The following DCAF8L1 variants were observed in gnomAD, a reference collection of about 807,000 sequenced individuals.
DCAF8L1 encodes the protein DDB1- and CUL4-associated factor 8-like protein 1.
For synonymous variants in DCAF8L1, 217 were observed against 186.8 expected, an observed-to-expected ratio of 1.16 and a Z score of -1.32; for missense variants, 434 against 481.6, an observed-to-expected ratio of 0.90 and a Z score of 0.92.
rs752855706 is a variant in DCAF8L1, at chrX:27,980,775, C to T, written c.560G>A (p.Arg187His). The part of the protein sequence containing the change: ...CGARTFVQRF[R>H]LQYLLGSHAG... ...ATGGCTTCCAAGAAGATACTGCAGG[C>T]GGAAACGCTGCACAAAGGTTCTTGC... The change falls in exon 1 of 1, where the codon CGC (arginine) becomes CAC (histidine). Residue 187 changes from arginine to histidine, a missense_variant. Arg to His is a conservative substitution (Grantham distance 29). Coordinates refer to ENST00000441525, the MANE Select transcript of DCAF8L1 (RefSeq NM_001017930.2). The T allele has an allele frequency of 4.1e-6, 5 of 1,207,803 alleles. No homozygotes were observed. Among genetic ancestry groups the T allele is most frequent in the Non-Finnish European group, 5.6e-6 (5 of 893,895 alleles).
chrX:27,979,055 G>A lies in DCAF8L1; in HGVS notation c.*477C>T. Reference sequence around the variant, plus strand: ...TCTTGTTACTACAACTTTTGAAGCTGTGTGTGTGTGTGGCCAAGTGTTAGG... The same window carrying A: ...TCTTGTTACTACAACTTTTGAAGCTATGTGTGTGTGTGGCCAAGTGTTAGG... On this transcript the variant is annotated 3_prime_UTR_variant, in exon 1 of 1. Transcript: ENST00000441525. The A allele has an allele frequency of 3.5e-6, 1 of 285,863 alleles. No individual in the cohort carries two copies. The highest frequency in any genetic ancestry group is 6.4e-6 in the Non-Finnish European group (1 of 156,361). The allele number at this position is 285,863 out of a possible 1,213,427, so 23.6% of individuals were successfully genotyped here.
In DCAF8L1 at chrX:27,979,249, T is replaced by A; in HGVS notation, c.*283A>T. 1 of 294,071 alleles carries A rather than the reference T, an allele frequency of 3.4e-6. No homozygotes were observed. The highest frequency in any genetic ancestry group is 1.6e-4 in the South Asian group (1 of 6,172). The allele number at this position is 294,071 out of a possible 1,213,427, so 24.2% of individuals were successfully genotyped here. On this transcript the variant is annotated 3_prime_UTR_variant, in exon 1 of 1. Coordinates refer to ENST00000441525, the MANE Select transcript of DCAF8L1 (RefSeq NM_001017930.2). Reference sequence around the variant, plus strand: ...ATCTTCAAAATAAATTGGTAAAAAATGAAAAAACTAAAAAGTAATAGCTTT... The same window carrying A: ...ATCTTCAAAATAAATTGGTAAAAAAAGAAAAAACTAAAAAGTAATAGCTTT...
rs761919834 is a variant in DCAF8L1 at position 27,981,209 on chromosome X, T to C, written c.126A>G (p.Ala42=). 1 of 1,209,837 alleles carries C rather than the reference T, an allele frequency of 8.3e-7. No homozygotes were observed. The highest frequency in any genetic ancestry group is 1.8e-5 in the African/African-American group (1 of 57,124). ...VTAASSDIEM[A]ATEPSTGDGG... Reference sequence around the variant, plus strand: ...CATCTCCGGTCGATGGCTCTGTGGCTGCCATTTCAATGTCTGAGGAGGCCG... The same window carrying C: ...CATCTCCGGTCGATGGCTCTGTGGCCGCCATTTCAATGTCTGAGGAGGCCG... The change falls in exon 1 of 1, where the codon GCA becomes GCG. Residue 42 remains alanine, a synonymous_variant. Transcript: ENST00000441525.
At position 27,981,352 on chromosome X, in the gene DCAF8L1, G is replaced by C; in HGVS notation, c.-18C>G. On this transcript the variant is annotated 5_prime_UTR_variant, in exon 1 of 1. Coordinates refer to ENST00000441525, the MANE Select transcript of DCAF8L1 (RefSeq NM_001017930.2). ...TGGGACATCTCGAACGATGTTTGCT[G>C]TAGCTGATCTGGAACTGGAAAAGCC... The C allele has an allele frequency of 8.4e-7, 1 of 1,196,274 alleles. No homozygotes were observed. Among genetic ancestry groups the C allele is most frequent in the Non-Finnish European group, 1.1e-6 (1 of 887,056 alleles).
rs766304714 is a variant in DCAF8L1, at chrX:27,979,972, T to C, written c.1363A>G (p.Ser455Gly). Residue 455 changes from serine to glycine, a missense_variant, in exon 1 of 1, where the codon AGC becomes GGC. By Grantham distance (56) the Ser-to-Gly change is moderately conservative. Coordinates refer to ENST00000441525, the MANE Select transcript of DCAF8L1 (RefSeq NM_001017930.2). Reference protein sequence around the residue: ...FYGPRSEFVVSGSDCGHVFFW... With the variant: ...FYGPRSEFVVGGSDCGHVFFW... ...AAGACGTGCCCACAATCACTACCGC[T>C]CACGACAAACTCACTCCGGGGGCCA... 1 of 1,211,212 alleles carries C rather than the reference T, an allele frequency of 8.3e-7. No homozygotes were observed. Among genetic ancestry groups the C allele is most frequent in the East Asian group, 3.0e-5 (1 of 33,778 alleles).
At position 27,978,688 on chromosome X, in the gene DCAF8L1, C is replaced by T; in HGVS notation, c.*844G>A. On this transcript the variant is annotated 3_prime_UTR_variant, in exon 1 of 1. Transcript: ENST00000441525. ...ATTGATTCAGAAAATGTGGATAATCCCAAGTTATTTGCTCTGAGGAGATGA... is the reference window on the plus strand; with the variant it reads ...ATTGATTCAGAAAATGTGGATAATCTCAAGTTATTTGCTCTGAGGAGATGA... 2 of 285,570 alleles carry T rather than the reference C, an allele frequency of 7.0e-6. No homozygotes were observed. Among genetic ancestry groups the T allele is most frequent in the Non-Finnish European group, 1.3e-5 (2 of 157,651 alleles). The allele number at this position is 285,570 out of a possible 1,213,427, so 23.5% of individuals were successfully genotyped here.
chrX:27,979,699 G>A lies in DCAF8L1; in HGVS notation c.1636C>T (p.Arg546Cys), dbSNP rs199848612. 1.9e-5 allele frequency: 23 copies of A among 1,209,626 alleles called. No homozygotes were observed. In the Admixed American group the frequency reaches 2.2e-4, roughly 12 times the overall value. The change falls in exon 1 of 1, where the codon CGC becomes TGC. Residue 546 changes from arginine to cysteine, a missense_variant. Arg to Cys is a radical substitution (Grantham distance 180). Coordinates refer to ENST00000441525, the MANE Select transcript of DCAF8L1 (RefSeq NM_001017930.2). The stretch of plus-strand genomic sequence containing the variant: ...TGACGCACGAAGAACCGAAGCATGC[G>A]GTTGTCAAACGAGTCCGTATAGTTC... ...NLNYTDSFDNRMLRFFVRHLL... is the reference protein window; with the variant it reads ...NLNYTDSFDNCMLRFFVRHLL...
At position 27,979,690 on chromosome X, in the gene DCAF8L1, G is replaced by A. The variant is rs12388557; in HGVS notation, c.1645C>T (p.Arg549Trp). The change falls in exon 1 of 1, where the codon CGG becomes TGG. Residue 549 changes from arginine to tryptophan, a missense_variant. By Grantham distance (101) the Arg-to-Trp change is moderately radical. Coordinates refer to ENST00000441525, the MANE Select transcript of DCAF8L1 (RefSeq NM_001017930.2). ...TGTAACAGGTGACGCACGAAGAACC[G>A]AAGCATGCGGTTGTCAAACGAGTCC... ...YTDSFDNRML[R>W]FFVRHLLQRA... is the part of the protein sequence containing the mutation. 27 of 1,209,749 alleles carry A rather than the reference G, an allele frequency of 2.2e-5. No individual in the cohort carries two copies. Among genetic ancestry groups the A allele is most frequent in the East Asian group, 5.9e-5 (2 of 33,720 alleles).
Position 27,978,488 on chromosome X carries a change from T to A in DCAF8L1, c.*1044A>T, listed in dbSNP as rs774891637. On this transcript the variant is annotated 3_prime_UTR_variant, in exon 1 of 1. Transcript: ENST00000441525. ...GAGAGATTTTTATATTCCTATCTGG[T>A]ATCTTATAGGAGATGCTTGCGCCAG... The A allele has an allele frequency of 3.6e-4, 42 of 117,665 alleles. No individual in the cohort carries two copies. The highest frequency in any genetic ancestry group is 1.2e-3 in the African/African-American group (37 of 31,188). 9.7% of individuals were successfully genotyped at this position (117,665 alleles called of 1,213,427 possible). A position where few individuals can be genotyped will look rare whatever the true frequency, so the allele number is the denominator to read the frequency against.
rs1926579097 is a variant in DCAF8L1, at chrX:27,978,894, C to G, written c.*638G>C. 11 of 831,285 alleles carry G rather than the reference C, an allele frequency of 1.3e-5. No homozygotes were observed. The South Asian group carries it at 2.3e-4, about 18-fold the overall frequency. The allele number at this position is 831,285 out of a possible 1,213,427, so 68.5% of individuals were successfully genotyped here. On this transcript the variant is annotated 3_prime_UTR_variant, in exon 1 of 1. Coordinates refer to ENST00000441525, the MANE Select transcript of DCAF8L1 (RefSeq NM_001017930.2). ...TGATGAAGAGTGAATTTCTTGAGTA[C>G]TCCATTGTTTTCTTTCTCATCAATT...
At position 27,980,850 on chromosome X, in the gene DCAF8L1, C is replaced by T. The variant is rs147601047; in HGVS notation, c.485G>A (p.Arg162His). Residue 162 changes from arginine to histidine, a missense_variant, in exon 1 of 1, where the codon CGC becomes CAC. Physicochemically the swap from Arg to His is conservative, Grantham distance 29. Coordinates refer to ENST00000441525, the MANE Select transcript of DCAF8L1 (RefSeq NM_001017930.2). ...RSRWQVLTAL[R>H]QRQLGSSARF... ...GGCACTTGAACCCAGCTGCCGCTGG[C>T]GAAGAGCAGTAAGGACTTGCCAGCG... 2.8e-4 allele frequency: 333 copies of T among 1,209,639 alleles called. 1 individual carries two copies. The highest frequency in any genetic ancestry group is 3.4e-4 in the Non-Finnish European group (300 of 894,881).
chrX:27,981,435 A>G lies in DCAF8L1; in HGVS notation c.-101T>C. 9.4e-7 allele frequency: 1 copy of G among 1,067,301 alleles called. No individual in the cohort carries two copies. Among genetic ancestry groups the G allele is most frequent in the Non-Finnish European group, 1.3e-6 (1 of 798,343 alleles). 88.0% of individuals were successfully genotyped at this position (1,067,301 alleles called of 1,213,427 possible). On this transcript the variant is annotated 5_prime_UTR_variant, in exon 1 of 1. Transcript: ENST00000441525. ...TGCCCCGAGGACGGACGGTCGGAGA[A>G]GGCAGTAGGTAAGCAGCAAAGAGAC...
At position 27,979,157 on chromosome X, in the gene DCAF8L1, G is replaced by A; in HGVS notation, c.*375C>T. The A allele has an allele frequency of 3.8e-6, 1 of 262,198 alleles. No individual in the cohort carries two copies. Among genetic ancestry groups the A allele is most frequent in the Middle Eastern group, 7.5e-4 (1 of 1,329 alleles). 21.6% of individuals were successfully genotyped at this position (262,198 alleles called of 1,213,427 possible). A position where few individuals can be genotyped will look rare whatever the true frequency, so the allele number is the denominator to read the frequency against. ...GTGTGTCAGTATTCAAAGAACTATG[G>A]TTTGCCTTATTTTACCTCTAAAGAA... On this transcript the variant is annotated 3_prime_UTR_variant, in exon 1 of 1. Transcript: ENST00000441525.
At position 27,978,800 on chromosome X, in the gene DCAF8L1, A is replaced by G. The variant is rs779347259; in HGVS notation, c.*732T>C. On this transcript the variant is annotated 3_prime_UTR_variant, in exon 1 of 1. Coordinates refer to ENST00000441525, the MANE Select transcript of DCAF8L1 (RefSeq NM_001017930.2). ...TGTATGTGTGTGTGCATAGCTGGCC[A>G]GGAGCTCTGTGCCATCGTGGCTGTA... 9.9e-5 allele frequency: 86 copies of G among 869,470 alleles called. No individual in the cohort carries two copies. In the South Asian group the frequency reaches 1.6e-3, roughly 16 times the overall value. The allele number at this position is 869,470 out of a possible 1,213,427, so 71.7% of individuals were successfully genotyped here. A position where few individuals can be genotyped will look rare whatever the true frequency, so the allele number is the denominator to read the frequency against.
In DCAF8L1 at chrX:27,980,393, A is replaced by G; in HGVS notation, c.942T>C (p.Ile314=). ...AAGCTGGCCGGTCTTGCCTGAGGTC[A>G]ATGGTGAACACAACGGCATCTTCAC... ...TSGEDAVVFT[I]DLRQDRPASK... The change falls in exon 1 of 1, where the codon ATT becomes ATC. Residue 314 remains isoleucine, a synonymous_variant. Coordinates refer to ENST00000441525, the MANE Select transcript of DCAF8L1 (RefSeq NM_001017930.2). 4 of 1,212,165 alleles carry G rather than the reference A, an allele frequency of 3.3e-6. No individual in the cohort carries two copies. Among genetic ancestry groups the G allele is most frequent in the Non-Finnish European group, 4.5e-6 (4 of 895,613 alleles).
At position 27,980,560 on chromosome X, in the gene DCAF8L1, A is replaced by G. The variant is rs762636057; in HGVS notation, c.775T>C (p.Cys259Arg). 1 of 1,212,070 alleles carries G rather than the reference A, an allele frequency of 8.3e-7. No homozygotes were observed. Among genetic ancestry groups the G allele is most frequent in the East Asian group, 3.0e-5 (1 of 33,823 alleles). Residue 259 changes from cysteine to arginine, a missense_variant, in exon 1 of 1, where the codon TGT becomes CGT. By Grantham distance (180) the Cys-to-Arg change is radical (BLOSUM62 -3). Transcript: ENST00000441525. ...ACCCGTACCTGTCCATCATGGCCAC[A>G]CATGGCCAGAGTGGAATCACCACAG... ...PNCGDSTLAM[C>R]GHDGQVRVAE...
chrX:27,978,517 G>A lies in DCAF8L1; in HGVS notation c.*1015C>T, dbSNP rs1728714849. The A allele has an allele frequency of 1.6e-5, 2 of 125,552 alleles. No homozygotes were observed. The highest frequency in any genetic ancestry group is 1.6e-5 in the Non-Finnish European group (1 of 62,422). 10.3% of individuals were successfully genotyped at this position (125,552 alleles called of 1,213,427 possible). On this transcript the variant is annotated 3_prime_UTR_variant, in exon 1 of 1. Coordinates refer to ENST00000441525, the MANE Select transcript of DCAF8L1 (RefSeq NM_001017930.2). ...TTATAGGAGATGCTTGCGCCAGGAG[G>A]ACTTCCTGGAATGTAATCCTGTGGG...
At position 27,979,350 on chromosome X, in the gene DCAF8L1, C is replaced by A; in HGVS notation, c.*182G>T. 1 of 529,443 alleles carries A rather than the reference C, an allele frequency of 1.9e-6. No individual in the cohort carries two copies. The highest frequency in any genetic ancestry group is 2.7e-6 in the Non-Finnish European group (1 of 368,809). The allele number at this position is 529,443 out of a possible 1,213,427, so 43.6% of individuals were successfully genotyped here. On this transcript the variant is annotated 3_prime_UTR_variant, in exon 1 of 1. Transcript: ENST00000441525. ...AACAAAATTATGCAATTTTAGAGGT[C>A]AATTATAAGGGAACAAAGGAAAAGA... is the stretch of plus-strand genomic sequence containing the variant.
Position 27,981,234 on chromosome X carries a change from G to C in DCAF8L1, c.101C>G (p.Ala34Gly). The change falls in exon 1 of 1, where the codon GCG becomes GGG. Residue 34 changes from alanine to glycine, a missense_variant. Physicochemically the swap from Ala to Gly is moderately conservative, Grantham distance 60. Coordinates refer to ENST00000441525, the MANE Select transcript of DCAF8L1 (RefSeq NM_001017930.2). ...TGCCATTTCAATGTCTGAGGAGGCCGCCGTCACCGCTGCTACTCCAGACTG... is the reference window on the plus strand; with the variant it reads ...TGCCATTTCAATGTCTGAGGAGGCCCCCGTCACCGCTGCTACTCCAGACTG... The part of the protein sequence containing the change: ...EEQSGVAAVT[A>G]ASSDIEMAAT... 8.3e-7 allele frequency: 1 copy of C among 1,210,849 alleles called. No individual in the cohort carries two copies. The highest frequency in any genetic ancestry group is 1.1e-6 in the Non-Finnish European group (1 of 895,343).
Sources: allele counts gnomAD v4.1 joint callset, GRCh38; gene constraint gnomAD v4.1.1; transcripts MANE v1.5; gene names NCBI Gene and HGNC (gene_info 2026-07-23, HGNC 2026-07-21).